Variants in COL17A1 observed in about 807,000 individuals in gnomAD.
COL17A1 encodes the protein collagen alpha-1(XVII) chain.
COL17A1 carries 181 observed loss-of-function variants against 218.4 expected under a neutral mutation model. The observed-to-expected ratio is 0.83, with a 90% confidence interval of 0.73 to 0.94. COL17A1 has a LOEUF of 0.94. Ranked by LOEUF, COL17A1 falls within the 40% of genes least tolerant of loss-of-function variation. The pLI is 0.00. For missense variants in COL17A1, 1,924 were observed against 1,945.9 expected, an observed-to-expected ratio of 0.99 and a Z score of 0.21; for synonymous variants, 721 against 731.0, an observed-to-expected ratio of 0.99 and a Z score of 0.22.
At position 104,043,584 on chromosome 10, in the gene COL17A1, G is replaced by A; in HGVS notation, c.2435-3C>T. ...GACAGTGAGCATCGATGACCCCTCT[G>A]AAAACAGAAGGCACATGGAACATTG... On this transcript the variant is annotated splice_polypyrimidine_tract_variant and splice_region_variant and intron_variant, in intron 34 of 55. Coordinates refer to ENST00000648076, the MANE Select transcript of COL17A1 (RefSeq NM_000494.4). The A allele has an allele frequency of 1.2e-6, 2 of 1,613,976 alleles. No individual in the cohort carries two copies. Among genetic ancestry groups the A allele is most frequent in the African/African-American group, 1.3e-5 (1 of 75,014 alleles).
Position 104,036,598 on chromosome 10 carries a change from C to G in COL17A1, c.3312G>C (p.Leu1104Phe). ...GCCCTGGCGGACCCCGAGGGCCCATCAAGTACTGACGTAGGTACTGACGCA... is the reference window on the plus strand; with the variant it reads ...GCCCTGGCGGACCCCGAGGGCCCATGAAGTACTGACGTAGGTACTGACGCA... ...DDVRQYLRQY[L>F]MGPRGPPGPP... The change falls in exon 48 of 56, where the codon TTG (leucine) becomes TTC (phenylalanine). Residue 1104 changes from leucine (L) to phenylalanine (F), a missense_variant. Leu to Phe is a conservative substitution (Grantham distance 22). Transcript: ENST00000648076. The G allele has an allele frequency of 6.2e-7, 1 of 1,613,992 alleles. No homozygotes were observed. The highest frequency in any genetic ancestry group is 8.5e-7 in the Non-Finnish European group (1 of 1,179,944).
intron 30 of COL17A1, 89 bp downstream of exon 30, chr10:104,047,980 C>G (rs2086429326): frequency 6.6e-7 from 1 of 1,520,966 alleles, no homozygotes; most frequent in Non-Finnish European, 9.1e-7. Flanking sequence ...ATATGCTCCT[C>G]TGCACTATGG....
intron 20 of COL17A1, 137 bp downstream of exon 20, chr10:104,054,844 C>T: frequency 7.2e-7 from 1 of 1,391,086 alleles, no homozygotes; most frequent in Non-Finnish European, 9.9e-7. Context: ...TTGGAAACCT[C>T]TCCTCCTCAC....
At position 104,061,078 on chromosome 10, in the gene COL17A1, G is replaced by A. The variant is rs149065472; in HGVS notation, c.979+327C>T. 1.9e-3 allele frequency among the ~76,000 whole-genome samples: 283 copies of A among 152,322 alleles called. 2 individuals are homozygous for A. Among genetic ancestry groups the A allele is most frequent in the Middle Eastern group, 0.017 (5 of 294 alleles). ...TGCCAGCAGTTTCTGAGGGCTCCATGAGCTGCATGTAACAGGTGAAGGCCA... is the reference window on the plus strand; with the variant it reads ...TGCCAGCAGTTTCTGAGGGCTCCATAAGCTGCATGTAACAGGTGAAGGCCA... On this transcript the variant is annotated intron_variant, in intron 13 of 55. Coordinates refer to ENST00000648076, the MANE Select transcript of COL17A1 (RefSeq NM_000494.4).
rs2134558587 is a variant in COL17A1 at position 104,032,229 on chromosome 10, G to GCT, written c.*4_*5dup. 1 of 1,612,628 alleles carries GCT rather than the reference G, an allele frequency of 6.2e-7. No homozygotes were observed. The highest frequency in any genetic ancestry group is 2.2e-5 in the East Asian group (1 of 44,886). ...CTGGTCCAGGAGCTGTCCTGCCATG[G>GCT]CTAGCTCACGGCTTGACAGCAATAC... is the stretch of plus-strand genomic sequence containing the variant. On this transcript the variant is annotated 3_prime_UTR_variant, in exon 56 of 56. Transcript: ENST00000648076.
At chr10:104,036,087 GGAGT>G (rs1564671233) in intron 48 of COL17A1, among the ~76,000 whole-genome samples, 2 of 9,966 alleles carry the variant, frequency 2.0e-4, no homozygotes, top group African/African-American at 3.0e-4. Flanking sequence ...AGTGTGTATG[GGAGT>G]GTGTGTGTAT....
intron 11 of COL17A1, chr10:104,063,529 A>T (rs2086600659): frequency 1.5e-6 from 1 of 668,430 alleles, no homozygotes; most frequent in African/African-American, 1.8e-5. Context: ...GCCACCTTAG[A>T]ATACGCACGT....
intron 39 of COL17A1, 51 bp downstream of exon 39, chr10:104,041,014 A>G: frequency 1.9e-6 from 3 of 1,595,550 alleles, no homozygotes; most frequent in Non-Finnish European, 2.6e-6. Flanking sequence ...AGTCTGTGGC[A>G]GGACAAGGGC....
chr10:104,070,619 A>G (rs761368493), intron 8 of COL17A1, 50 bp from the exon 9 acceptor site: 1 of 1,613,824 alleles, frequency 6.2e-7, no homozygotes, highest in Non-Finnish European at 8.5e-7. Context: ...TTCTTTCCTG[A>G]GTCCCTGTGC....
intron 42 of COL17A1, 37 bp downstream of exon 42, chr10:104,039,571 T>C: frequency 2.5e-6 from 4 of 1,614,184 alleles, no homozygotes; most frequent in Non-Finnish European, 3.4e-6. Flanking sequence ...GGAGAGGCTC[T>C]GGCCAGAGCC....
At chr10:104,058,272 C>A in intron 15 of COL17A1, 82 bp from the exon 16 acceptor site, 1 of 1,579,268 alleles carries the variant, frequency 6.3e-7, no homozygotes, top group East Asian at 2.2e-5. Flanking sequence ...TTTTTTTATT[C>A]CTTTACTTTC....
chr10:104,034,526 GC>G, intron 51 of COL17A1, 94 bp downstream of exon 51: 5 of 1,539,626 alleles, frequency 3.2e-6, no homozygotes, highest in Non-Finnish European at 4.4e-6. Context: ...CTCTCGTGTG[GC>G]CTTCCTGTCC....
At chr10:104,050,553 G>A (rs974747351) in intron 27 of COL17A1, 68 bp downstream of exon 27, 2 of 1,611,954 alleles carry the variant, frequency 1.2e-6, no homozygotes, top group Admixed American at 1.7e-5. Context: ...CCTACAGTGA[G>A]GGTCCCATCT....
At chr10:104,073,386 T>C in intron 6 of COL17A1, 141 bp from the exon 7 acceptor site, 1 of 759,588 alleles carries the variant, frequency 1.3e-6, no homozygotes, top group East Asian at 2.5e-5. Flanking sequence ...TGTATAGCAG[T>C]TGCTTAATAA....
At chr10:104,043,772 G>A (rs769692354) in intron 34 of COL17A1, 53 bp downstream of exon 34, 76 of 1,603,916 alleles carry the variant, frequency 4.7e-5, no homozygotes, top group Non-Finnish European at 6.5e-5. Flanking sequence ...GTCAAGGTAG[G>A]TGCCCAGTAT....
At chr10:104,084,048 G>A (rs1374870469) in intron 1 of COL17A1, among the ~76,000 whole-genome samples, 3 of 152,162 alleles carry the variant, frequency 2.0e-5, no homozygotes, top group Non-Finnish European at 4.4e-5. Flanking sequence ...TGAATATCTT[G>A]GAGGCTTTGT....
chr10:104,035,571 G>C lies in COL17A1; in HGVS notation c.3419-8C>G. On this transcript the variant is annotated splice_region_variant and splice_polypyrimidine_tract_variant and intron_variant, in intron 48 of 55. Transcript: ENST00000648076. ...CAATGCTGATCCCAGAACCTAGGGA[G>C]GTGATGGATTCAGATCAGGCAGGGG... 1 of 1,611,476 alleles carries C rather than the reference G, an allele frequency of 6.2e-7. No individual in the cohort carries two copies. Among genetic ancestry groups the C allele is most frequent in the Non-Finnish European group, 8.5e-7 (1 of 1,178,424 alleles).
chr10:104,035,478 C>T lies in COL17A1; in HGVS notation c.3504G>A (p.Leu1168=), dbSNP rs1227420299. 1 of 1,614,004 alleles carries T rather than the reference C, an allele frequency of 6.2e-7. No individual in the cohort carries two copies. The highest frequency in any genetic ancestry group is 1.7e-5 in the Admixed American group (1 of 60,002). Residue 1168 remains leucine (L), a synonymous_variant, in exon 49 of 56, where the codon CTG becomes CTA. Transcript: ENST00000648076. The part of the protein sequence containing the change: ...GTSYEELLSL[L]RGSEFRGIVG... ...ATGTCCCCTGCTGGGCCTTACCTCG[C>T]AGCAAGGAGAGGAGCTCCTCATAGG... is the stretch of plus-strand genomic sequence containing the variant.
Position 104,043,706 on chromosome 10 carries a change from T to TC in COL17A1, c.2434+118dup, listed in dbSNP as rs2086383205. The TC allele has an allele frequency of 2.0e-5, 30 of 1,511,342 alleles. 1 individual carries two copies. The South Asian group carries it at 3.4e-4, about 17-fold the overall frequency. The allele number at this position is 1,511,342 out of a possible 1,614,324, so 93.6% of individuals were successfully genotyped here. A position where few individuals can be genotyped will look rare whatever the true frequency, so the allele number is the denominator to read the frequency against. On this transcript the variant is annotated intron_variant, in intron 34 of 55. Coordinates refer to ENST00000648076, the MANE Select transcript of COL17A1 (RefSeq NM_000494.4). Reference sequence around the variant, plus strand: ...TCTCATCGCTGCTAAATTTCCCTCCTCCCCCGCTACTGATCCAAAAAACTC... The same window carrying TC: ...TCTCATCGCTGCTAAATTTCCCTCCTCCCCCCGCTACTGATCCAAAAAACTC...
Sources: gnomAD v4.1 joint callset for allele counts (sites outside exome capture counted in the v4.1 genomes callset) on GRCh38, gnomAD v4.1.1 for gene constraint, MANE v1.5 for transcripts, NCBI Gene and HGNC (gene_info 2026-07-23, HGNC 2026-07-21) for gene names.